Variants in POC1B observed in about 807,000 individuals in gnomAD.
The protein encoded by POC1B is POC1 centriolar protein homolog B.
Under a neutral mutation model 60.6 loss-of-function variants are expected in POC1B, and 44 were observed. The observed-to-expected ratio is 0.73, with a 90% confidence interval of 0.57 to 0.93. The LOEUF (loss-of-function observed/expected upper bound fraction) is 0.93, where lower values mean the gene tolerates loss of function less well. Among genes scored for constraint, POC1B ranks in the 40% least tolerant of loss-of-function variants. The pLI, the probability that POC1B is intolerant of heterozygous loss-of-function variation, is 0.00. For missense variants in POC1B, 555 were observed against 572.3 expected, an observed-to-expected ratio of 0.97 and a Z score of 0.31; for synonymous variants, 180 against 198.9, an observed-to-expected ratio of 0.90 and a Z score of 0.80.
chr12:89,521,121 T>G (rs1403406442), intron 2 of POC1B: 1 of 149,136 alleles, frequency 6.7e-6, no homozygotes, highest in African/African-American at 2.5e-5. Context: ...TTTTTTTTTT[T>G]GAGACAGAGT....
At chr12:89,503,568 G>A (rs1592633768) in intron 2 of POC1B, among the ~76,000 whole-genome samples, 3 of 149,780 alleles carry the variant, frequency 2.0e-5, no homozygotes, top group South Asian at 2.1e-4. Context: ...GTCTCTGCCC[G>A]GCCACCATCC....
intron 2 of POC1B, chr12:89,524,735 G>A (rs1016984982): frequency 1.2e-5 from 8 of 663,266 alleles, no homozygotes; most frequent in South Asian, 5.8e-5. Context: ...CTCGGCCTCC[G>A]GCACAGCCCA....
chr12:89,512,577 A>G lies in POC1B; in HGVS notation c.100+12543T>C, dbSNP rs139266116. On this transcript the variant is annotated intron_variant, in intron 2 of 11. Coordinates refer to ENST00000313546, the MANE Select transcript of POC1B (RefSeq NM_172240.3). ...AGTTCAAGACCAGCCTCAGCAATAT[A>G]GCGAGGCTCTCTACAAACAATTTAA... Among the ~76,000 whole-genome samples, 362 of 152,234 alleles carry G rather than the reference A, an allele frequency of 2.4e-3. 2 individuals carry two copies. The highest frequency in any genetic ancestry group is 8.3e-3 in the African/African-American group (345 of 41,548).
At position 89,466,909 on chromosome 12, in the gene POC1B, C is replaced by T; in HGVS notation, c.893G>A (p.Arg298Lys). The part of the protein sequence containing the change: ...GGADTQVLLW[R>K]TNFDELHCKG... ...ACAATGCAATTCATCAAAGTTAGTC[C>T]TCCATAATAAGACCTATGAAAAAAG... The change falls in exon 9 of 12, where the codon AGG (arginine) becomes AAG (lysine). Residue 298 changes from arginine to lysine, a missense_variant. Arg to Lys is a conservative substitution (Grantham distance 26). Coordinates refer to ENST00000313546, the MANE Select transcript of POC1B (RefSeq NM_172240.3). The T allele has an allele frequency of 6.2e-7, 1 of 1,611,414 alleles. No individual in the cohort carries two copies. The highest frequency in any genetic ancestry group is 8.5e-7 in the Non-Finnish European group (1 of 1,178,678).
At chr12:89,452,065 T>C (rs1882064764) in intron 10 of POC1B, among the ~76,000 whole-genome samples, 4 of 152,290 alleles carry the variant, frequency 2.6e-5, no homozygotes, top group South Asian at 2.1e-4. Flanking sequence ...AGGGTGCATT[T>C]CTTCTCATCT....
intron 10 of POC1B, among the ~76,000 whole-genome samples, chr12:89,430,776 T>C (rs555187507): frequency 6.6e-6 from 1 of 152,278 alleles, no homozygotes; most frequent in South Asian, 2.1e-4. Context: ...AACTTTATCA[T>C]CTCAGGTGCT....
chr12:89,450,049 G>A (rs1881977186), intron 10 of POC1B, among the ~76,000 whole-genome samples: 1 of 152,134 alleles, frequency 6.6e-6, no homozygotes, highest in African/African-American at 2.4e-5. Flanking sequence ...GATGTTTGGG[G>A]ATTGATGAGG....
At chr12:89,514,647 A>T (rs962280765) in intron 2 of POC1B, among the ~76,000 whole-genome samples, 1 of 151,820 alleles carries the variant, frequency 6.6e-6, no homozygotes, top group African/African-American at 2.4e-5. Flanking sequence ...ACTTCAAGTG[A>T]TCTGCCTGCC....
chr12:89,405,989 T>G, the POC1B span, among the ~76,000 whole-genome samples: 7 of 120,814 alleles, frequency 5.8e-5, no homozygotes, highest in East Asian at 5.6e-4. Context: ...GTTTTGAGTG[T>G]TTTTTTTTTT....
chr12:89,478,997 C>A (rs555839561), intron 4 of POC1B, among the ~76,000 whole-genome samples: 152 of 152,208 alleles, frequency 1.0e-3, no homozygotes, highest in African/African-American at 3.5e-3. Flanking sequence ...TAGAAAAATT[C>A]TTTTGTAAGT....
At chr12:89,518,715 CTA>C (rs1380744162) in intron 2 of POC1B, among the ~76,000 whole-genome samples, 1 of 152,076 alleles carries the variant, frequency 6.6e-6, no homozygotes, top group Non-Finnish European at 1.5e-5. Flanking sequence ...TGTACTGTCT[CTA>C]TGGATTTTCC....
chr12:89,519,297 T>C (rs1466102007), intron 2 of POC1B: 2 of 152,220 alleles, frequency 1.3e-5, no homozygotes. Flanking sequence ...TTTTTAAATA[T>C]CCACTGTCTG....
chr12:89,452,536 G>T (rs1882093468), intron 10 of POC1B, among the ~76,000 whole-genome samples: 1 of 151,948 alleles, frequency 6.6e-6, no homozygotes, highest in Admixed American at 6.6e-5. Flanking sequence ...AAAACTTTAA[G>T]AGTATCAAAT....
At chr12:89,408,966 G>T in the POC1B span, among the ~76,000 whole-genome samples, 2 of 151,984 alleles carry the variant, frequency 1.3e-5, no homozygotes, top group Non-Finnish European at 2.9e-5. Flanking sequence ...CTTTTTGAAG[G>T]GTTTGTTTTT....
intron 10 of POC1B, among the ~76,000 whole-genome samples, chr12:89,440,628 A>G (rs868077786): frequency 6.6e-6 from 1 of 152,344 alleles, no homozygotes. Flanking sequence ...CATCTCTACT[A>G]AAAATACAGA....
At chr12:89,415,128 A>G (rs556011716), downstream of POC1B, among the ~76,000 whole-genome samples, 8 of 152,348 alleles carry the variant, frequency 5.3e-5, no homozygotes, top group African/African-American at 1.9e-4. Flanking sequence ...CTCAATTGCC[A>G]GCATTTGGCC....
At chr12:89,470,158 C>T (rs1882833287) in intron 7 of POC1B, among the ~76,000 whole-genome samples, 2 of 152,132 alleles carry the variant, frequency 1.3e-5, no homozygotes, top group South Asian at 4.1e-4. Flanking sequence ...AGGCGTGAGC[C>T]ACCACGCCCA....
At chr12:89,518,568 T>C (rs79105157) in intron 2 of POC1B, among the ~76,000 whole-genome samples, 8,156 of 118,150 alleles carry the variant, frequency 0.069, 521 homozygotes, top group East Asian at 0.32. Context: ...TACACCAGTG[T>C]TTTGCCCAAC....
chr12:89,450,917 A>G (rs1482301863), intron 10 of POC1B, among the ~76,000 whole-genome samples: 2 of 152,198 alleles, frequency 1.3e-5, no homozygotes, highest in Non-Finnish European at 2.9e-5. Flanking sequence ...AATTTAATAT[A>G]GGGAACTGGT....
Sources: gnomAD v4.1 joint callset for allele counts (sites outside exome capture counted in the v4.1 genomes callset) on GRCh38, gnomAD v4.1.1 for gene constraint, MANE v1.5 for transcripts, NCBI Gene and HGNC (gene_info 2026-07-23, HGNC 2026-07-21) for gene names.